The following FNBP1 variants were observed in gnomAD, a reference collection of about 807,000 sequenced individuals.
FNBP1 encodes the protein formin binding protein 1.
Under a neutral mutation model 90.6 loss-of-function variants are expected in FNBP1, and 26 were observed. The observed-to-expected ratio is 0.29, with a 90% CI of 0.21 to 0.40. The LOEUF (loss-of-function observed/expected upper bound fraction) is 0.40, where lower values mean the gene tolerates loss of function less well. FNBP1 is among the 10% of genes least tolerant of loss of function. FNBP1 has a pLI of 1.00. For synonymous variants in FNBP1, 260 were observed against 265.2 expected (o/e 0.98, Z 0.19); for missense variants, 635 against 768.0 (o/e 0.83, Z 2.05).
intron 6 of FNBP1, among the ~76,000 whole-genome samples, chr9:129,955,447 G>T (rs2046782498): frequency 6.6e-6 from 1 of 151,556 alleles, no homozygotes; most frequent in African/African-American, 2.4e-5. Context: ...TGTTGCCCAG[G>T]CTGGATCTGA....
intron 1 of FNBP1, among the ~76,000 whole-genome samples, chr9:130,032,737 G>C (rs1184263091): frequency 1.3e-5 from 2 of 151,494 alleles, no homozygotes; most frequent in African/African-American, 4.8e-5. Flanking sequence ...GACTTCAGTG[G>C]AACTTTTTTT....
At chr9:129,993,939 A>G (rs868353098) in intron 2 of FNBP1, among the ~76,000 whole-genome samples, 72 of 152,136 alleles carry the variant, frequency 4.7e-4, no homozygotes, top group African/African-American at 1.6e-3. Context: ...GTACTTTTAA[A>G]ATACTATTCC....
At chr9:129,894,378 G>A (rs1343514515) in intron 16 of FNBP1, among the ~76,000 whole-genome samples, 1 of 152,100 alleles carries the variant, frequency 6.6e-6, no homozygotes, top group African/African-American at 2.4e-5. Context: ...TTTCGATGTG[G>A]TGAGACATTT....
intron 1 of FNBP1, among the ~76,000 whole-genome samples, chr9:130,008,355 C>T (rs2056102772): frequency 6.6e-6 from 1 of 151,866 alleles, no homozygotes; most frequent in Non-Finnish European, 1.5e-5. Flanking sequence ...TCTCAAAAAA[C>T]AAACCGAAAA....
intron 1 of FNBP1, among the ~76,000 whole-genome samples, chr9:129,997,674 A>G (rs1477519350): frequency 6.6e-6 from 1 of 152,110 alleles, no homozygotes; most frequent in Non-Finnish European, 1.5e-5. Flanking sequence ...CAGTAATCAT[A>G]TTTATTTTTA....
At chr9:129,977,277 C>A (rs1232631863) in intron 4 of FNBP1, among the ~76,000 whole-genome samples, 1 of 152,054 alleles carries the variant, frequency 6.6e-6, no homozygotes, top group Non-Finnish European at 1.5e-5. Context: ...AAAGATAAAT[C>A]CCTTAAGGCA....
chr9:130,052,515 C>T, the FNBP1 span, among the ~76,000 whole-genome samples: 306 of 152,156 alleles, frequency 2.0e-3, no homozygotes, highest in Middle Eastern at 0.017. Context: ...TTACTGAAAC[C>T]TCTGCCTCCC....
At chr9:129,983,944 G>A (rs1276434413) in intron 2 of FNBP1, among the ~76,000 whole-genome samples, 7 of 152,072 alleles carry the variant, frequency 4.6e-5, no homozygotes, top group African/African-American at 1.4e-4. Context: ...AGAAAATCTC[G>A]ACTTGTTTTT....
intron 15 of FNBP1, among the ~76,000 whole-genome samples, chr9:129,898,951 A>C (rs1184660724): frequency 3.3e-5 from 5 of 152,176 alleles, no homozygotes; most frequent in Non-Finnish European, 5.9e-5. Context: ...CGTCTGCTGC[A>C]GTGAAGCAAG....
intron 4 of FNBP1, among the ~76,000 whole-genome samples, chr9:129,977,885 A>T (rs1331345647): frequency 6.6e-6 from 1 of 152,144 alleles, no homozygotes; most frequent in Non-Finnish European, 1.5e-5. Flanking sequence ...CCTGAAATAT[A>T]TTTAAATTCC....
rs1158826880 is a variant in FNBP1, at chr9:129,893,562, AG to A, written c.1846+2275del. 2.3e-5 allele frequency among the ~76,000 whole-genome samples: 3 copies of A among 128,118 alleles called. No homozygotes were observed. In the Admixed American group the frequency reaches 2.9e-4, roughly 12 times the overall value. 84.1% of individuals were successfully genotyped at this position (128,118 alleles called of 152,430 possible). On this transcript the variant is annotated intron_variant, in intron 16 of 16. Coordinates refer to ENST00000446176, the MANE Select transcript of FNBP1 (RefSeq NM_015033.3). ...CGGGAGGCAGAGGTTGTAGTGAGCC[AG>A]GATTGTATCATTGCCCTTGAGTCTA...
At chr9:129,975,382 C>T (rs2050146521) in intron 4 of FNBP1, among the ~76,000 whole-genome samples, 1 of 152,184 alleles carries the variant, frequency 6.6e-6, no homozygotes, top group Non-Finnish European at 1.5e-5. Flanking sequence ...CCCAACAGAA[C>T]ATCTGACTCA....
intron 7 of FNBP1, 63 bp from the exon 8 acceptor site, chr9:129,927,404 C>A: frequency 1.3e-6 from 2 of 1,533,838 alleles, no homozygotes; most frequent in Non-Finnish European, 1.8e-6. Context: ...AGTTGTTTTT[C>A]GGCAGCATTG....
At chr9:129,898,351 T>C (rs2036185972) in intron 15 of FNBP1, among the ~76,000 whole-genome samples, 1 of 152,136 alleles carries the variant, frequency 6.6e-6, no homozygotes, top group Admixed American at 6.6e-5. Flanking sequence ...TTAAGACATC[T>C]AAGCTCCAGC....
At chr9:130,053,862 C>T in the FNBP1 span, 3 of 1,470,634 alleles carry the variant, frequency 2.0e-6, no homozygotes, top group African/African-American at 2.8e-5. Context: ...TCCCCGGGCC[C>T]TTCCGGCGGC....
chr9:130,046,765 G>A (rs1486872978), upstream of FNBP1, among the ~76,000 whole-genome samples: 1 of 96,278 alleles, frequency 1.0e-5, no homozygotes, highest in Non-Finnish European at 2.0e-5. Flanking sequence ...AACAGAGTGA[G>A]ACTTTATCTC....
At chr9:130,018,070 C>G (rs146405403) in intron 1 of FNBP1, among the ~76,000 whole-genome samples, 2 of 150,840 alleles carry the variant, frequency 1.3e-5, no homozygotes, top group African/African-American at 4.9e-5. Flanking sequence ...CCTGCCACCA[C>G]GCCTGGCTAA....
chr9:129,889,037 T>C lies in FNBP1; in HGVS notation c.*1502A>G, dbSNP rs947517302. 6.8e-5 allele frequency: 10 copies of C among 146,038 alleles called. No individual in the cohort carries two copies. The highest frequency in any genetic ancestry group is 8.5e-5 in the Non-Finnish European group (6 of 70,238). 9.0% of individuals were successfully genotyped at this position (146,038 alleles called of 1,614,324 possible). A position where few individuals can be genotyped will look rare whatever the true frequency, so the allele number is the denominator to read the frequency against. ...AGGCCAATGGTTCCTCTTGACTGTT[T>C]CTGCACCAAATGAGAGGAGGGGCTG... On this transcript the variant is annotated 3_prime_UTR_variant, in exon 17 of 17. Coordinates refer to ENST00000446176, the MANE Select transcript of FNBP1 (RefSeq NM_015033.3).
chr9:129,991,246 G>A lies in FNBP1; in HGVS notation c.140+3597C>T, dbSNP rs560419469. On this transcript the variant is annotated intron_variant, in intron 2 of 16. Transcript: ENST00000446176. ...AGGATGCAGCTACCCTCAGGTGAGT[G>A]GAGGAAAATCTAGGTCGTGGAAATG... Among the ~76,000 whole-genome samples the A allele has an allele frequency of 8.6e-5, 13 of 151,274 alleles. No individual in the cohort carries two copies. The South Asian group carries it at 2.7e-3, about 32-fold the overall frequency.
Sources: gnomAD v4.1 joint callset for allele counts (sites outside exome capture counted in the v4.1 genomes callset) on GRCh38, gnomAD v4.1.1 for gene constraint, MANE v1.5 for transcripts, NCBI Gene and HGNC (gene_info 2026-07-23, HGNC 2026-07-21) for gene names.